The following ASTN1 variants were observed in gnomAD, a reference collection of about 807,000 sequenced individuals.
ASTN1 encodes the protein astrotactin 1.
ASTN1 carries 41 observed loss-of-function variants against 140.7 expected under a neutral mutation model. The observed-to-expected ratio is 0.29, with a 90% CI of 0.23 to 0.38. The LOEUF (loss-of-function observed/expected upper bound fraction) is 0.38, where lower values mean the gene tolerates loss of function less well. ASTN1 is among the 10% of genes least tolerant of loss of function. The probability of loss-of-function intolerance (pLI) is 1.00; values close to 1 mark genes in which losing one functional copy is unlikely to be tolerated. For missense variants in ASTN1, 1,479 were observed against 1,678.8 expected, an observed-to-expected ratio of 0.88 and a Z score of 2.08; for synonymous variants, 640 against 652.2, an observed-to-expected ratio of 0.98 and a Z score of 0.29.
At chr1:177,143,263 G>A (rs367727351) in intron 1 of ASTN1, among the ~76,000 whole-genome samples, 9 of 152,262 alleles carry the variant, frequency 5.9e-5, no homozygotes, top group South Asian at 2.1e-4. Flanking sequence ...CCTCTAGTAC[G>A]AACATTTCCA....
chr1:176,877,998 C>T (rs970335513), intron 20 of ASTN1, among the ~76,000 whole-genome samples: 2 of 152,210 alleles, frequency 1.3e-5, no homozygotes, highest in African/African-American at 4.8e-5. Flanking sequence ...ACTCCCTCCC[C>T]ACAAAGACAT....
At chr1:177,103,456 C>G (rs1166509763) in intron 1 of ASTN1, among the ~76,000 whole-genome samples, 4 of 152,060 alleles carry the variant, frequency 2.6e-5, no homozygotes, top group African/African-American at 4.8e-5. Context: ...TTGACTGAAG[C>G]CACACTGGGG....
rs570102347 is a variant in ASTN1 at position 176,987,757 on chromosome 1, A to C, written c.1524-22520T>G. ...ATCTTTCATTTCAACAGATGTGCCT[A>C]ATGGCAGTGAGAGCAGTTAGGAAGA... On this transcript the variant is annotated intron_variant, in intron 8 of 22. Transcript: ENST00000361833. Among the ~76,000 whole-genome samples the C allele has an allele frequency of 5.3e-5, 8 of 152,290 alleles. No homozygotes were observed. In the East Asian group the frequency reaches 1.5e-3, roughly 29 times the overall value.
intron 8 of ASTN1, among the ~76,000 whole-genome samples, chr1:176,998,882 C>T (rs1674585077): frequency 1.3e-5 from 2 of 152,202 alleles, no homozygotes; most frequent in Admixed American, 1.3e-4. Flanking sequence ...AATGATGCCA[C>T]TTTCTATGGG....
At chr1:177,020,273 C>G (rs1262976487) in intron 7 of ASTN1, among the ~76,000 whole-genome samples, 1 of 152,190 alleles carries the variant, frequency 6.6e-6, no homozygotes, top group Non-Finnish European at 1.5e-5. Context: ...AAACAACATA[C>G]ATTTATTATC....
chr1:177,005,855 C>A (rs933228579), intron 8 of ASTN1, among the ~76,000 whole-genome samples: 1 of 152,166 alleles, frequency 6.6e-6, no homozygotes, highest in Non-Finnish European at 1.5e-5. Flanking sequence ...GTGTTCCACT[C>A]GCCTTGACCT....
In ASTN1 at chr1:177,111,566, C is replaced by G. The variant is rs1260455757; in HGVS notation, c.284-50301G>C. On this transcript the variant is annotated intron_variant, in intron 1 of 22. Transcript: ENST00000361833. ...CTTCCAGGGTATGTCTAAATACACA[C>G]TCTTCTGCCAGGTGGCTTCCATGGA... 2.0e-5 allele frequency among the ~76,000 whole-genome samples: 3 copies of G among 152,196 alleles called. No homozygotes were observed. The East Asian group carries it at 5.8e-4, about 29-fold the overall frequency.
intron 14 of ASTN1, 131 bp from the exon 15 acceptor site, chr1:176,936,501 G>C (rs1671454486): frequency 4.3e-6 from 3 of 703,418 alleles, no homozygotes. Context: ...TTGATGAAGA[G>C]AATTTCTGGA....
At chr1:176,956,704 G>T (rs928796182) in intron 11 of ASTN1, among the ~76,000 whole-genome samples, 2 of 152,238 alleles carry the variant, frequency 1.3e-5, no homozygotes, top group Middle Eastern at 3.4e-3. Context: ...ACATCATTCT[G>T]CCTTCGAAGA....
chr1:177,144,471 C>A (rs547671427), intron 1 of ASTN1, among the ~76,000 whole-genome samples: 23 of 150,990 alleles, frequency 1.5e-4, no homozygotes, highest in Non-Finnish European at 2.2e-4. Flanking sequence ...CCAGGATGGT[C>A]TTGATCTCCT....
chr1:176,957,463 A>C (rs1253652187), intron 11 of ASTN1, among the ~76,000 whole-genome samples: 3 of 152,166 alleles, frequency 2.0e-5, no homozygotes, highest in Non-Finnish European at 2.9e-5. Context: ...GAATAGTTAT[A>C]GTGCACATAG....
At chr1:177,120,254 T>C (rs1681315699) in intron 1 of ASTN1, among the ~76,000 whole-genome samples, 1 of 152,150 alleles carries the variant, frequency 6.6e-6, no homozygotes, top group South Asian at 2.1e-4. Flanking sequence ...CCTTAAAACA[T>C]CCTCAACTAC....
chr1:177,032,703 A>G lies in ASTN1; in HGVS notation c.618T>C (p.Ser206=). The change falls in exon 3 of 23, where the codon TCT becomes TCC. Residue 206 remains serine, a synonymous_variant. Transcript: ENST00000361833. ...EAANEIHYIP[S]VLIGGHGRES... The stretch of plus-strand genomic sequence containing the variant: ...CCCGTCCGTGCCCGCCGATCAGCAC[A>G]GAAGGAATGTAGTGAATCTCATTGG... 2 of 1,614,148 alleles carry G rather than the reference A, an allele frequency of 1.2e-6. No individual in the cohort carries two copies.
At chr1:177,157,294 TTTGTTGTTG>T (rs140297923) in intron 1 of ASTN1, among the ~76,000 whole-genome samples, 21 of 151,798 alleles carry the variant, frequency 1.4e-4, no homozygotes, top group Admixed American at 2.0e-4. Context: ...AACTGTTCTT[TTTGTTGTTG>T]TTGTTGTTGT....
intron 13 of ASTN1, among the ~76,000 whole-genome samples, chr1:176,944,868 AC>A (rs1671886004): frequency 6.6e-6 from 1 of 152,228 alleles, no homozygotes; most frequent in Non-Finnish European, 1.5e-5. Context: ...CCTTTGGCAA[AC>A]CAATTCCCAG....
intron 1 of ASTN1, among the ~76,000 whole-genome samples, chr1:177,142,825 A>C (rs1362106233): frequency 1.3e-5 from 2 of 151,642 alleles, no homozygotes; most frequent in African/African-American, 4.8e-5. Context: ...TTCCACCTTC[A>C]TTCACTAACA....
intron 22 of ASTN1, among the ~76,000 whole-genome samples, chr1:176,868,199 C>T (rs1411047827): frequency 1.3e-5 from 2 of 152,144 alleles, no homozygotes; most frequent in East Asian, 3.8e-4. Context: ...TTATGATTAA[C>T]AGAACAAAAG....
chr1:177,098,022 T>G (rs976282818), intron 1 of ASTN1, among the ~76,000 whole-genome samples: 1 of 152,170 alleles, frequency 6.6e-6, no homozygotes, highest in African/African-American at 2.4e-5. Context: ...AATAATAAAC[T>G]GGTAAATGTA....
intron 1 of ASTN1, among the ~76,000 whole-genome samples, chr1:177,155,438 T>G (rs1008338191): frequency 6.6e-6 from 1 of 152,182 alleles, no homozygotes; most frequent in Non-Finnish European, 1.5e-5. Context: ...ATATCATAAA[T>G]GTATGAACAA....
Sources: gnomAD v4.1 joint callset for allele counts (sites outside exome capture counted in the v4.1 genomes callset) on GRCh38, gnomAD v4.1.1 for gene constraint, MANE v1.5 for transcripts, NCBI Gene and HGNC (gene_info 2026-07-23, HGNC 2026-07-21) for gene names.